The following H2BW2 variants were observed in gnomAD, a reference collection of about 807,000 sequenced individuals.
H2BW2 encodes H2B.W histone 2, also known as histone H2B type F-M.
A neutral mutation model predicts 9.2 loss-of-function variants in H2BW2; 8 were observed. That is an observed-to-expected ratio of 0.87 (90% CI 0.51 to 1.57). The LOEUF is 1.57. Ranked by LOEUF, H2BW2 falls within the 40% of genes most tolerant of loss-of-function variation. H2BW2 has a pLI of 0.00. For synonymous variants in H2BW2, 80 were observed against 56.8 expected, an observed-to-expected ratio of 1.41 and a Z score of -1.84; for missense variants, 193 against 137.3, an observed-to-expected ratio of 1.41 and a Z score of -2.03.
chrX:104,041,802 T>C (rs188388406), intron 3 of H2BW2: 2 of 112,582 alleles, frequency 1.8e-5, no homozygotes, highest in East Asian at 5.6e-4. Context: ...AGGATGGCAC[T>C]CTCAGTCAAA....
chrX:104,040,349 C>T lies in H2BW2; in HGVS notation c.355C>T (p.Leu119=). 1 of 1,185,938 alleles carries T rather than the reference C, an allele frequency of 8.4e-7. No homozygotes were observed. The highest frequency in any genetic ancestry group is 1.9e-5 in the South Asian group (1 of 52,424). Residue 119 remains leucine, a synonymous_variant, in exon 1 of 4, where the codon CTG becomes TTG. Transcript: ENST00000675318. ...CATCCAGATGGCCGTGCGACTGCTGCTGCCGGGGAAGATGGGCAAGCTCGC... is the reference window on the plus strand; with the variant it reads ...CATCCAGATGGCCGTGCGACTGCTGTTGCCGGGGAAGATGGGCAAGCTCGC... ...RDIQMAVRLL[L]PGKMGKLAEA...
rs782241600 is a variant in H2BW2, at chrX:104,040,427, G to A, written c.410+23G>A. 38 of 1,111,285 alleles carry A rather than the reference G, an allele frequency of 3.4e-5. No individual in the cohort carries two copies. In the Middle Eastern group the frequency reaches 1.0e-3, roughly 30 times the overall value. 91.6% of individuals were successfully genotyped at this position (1,111,285 alleles called of 1,213,427 possible). The stretch of plus-strand genomic sequence containing the variant: ...CAGGTACACCAAAAGCAAGTGAGCT[G>A]TCTCAGGAGCGCCTGAGCACCTGGG... On this transcript the variant is annotated intron_variant, in intron 1 of 3. Transcript: ENST00000675318.
rs782543925 is a variant in H2BW2, at chrX:104,040,843, G to T, written c.426G>T (p.Ala142=). 3 of 954,593 alleles carry T rather than the reference G, an allele frequency of 3.1e-6. No homozygotes were observed. The highest frequency in any genetic ancestry group is 4.5e-6 in the Non-Finnish European group (3 of 662,373). The allele number at this position is 954,593 out of a possible 1,213,427, so 78.7% of individuals were successfully genotyped here. The change falls in exon 2 of 4, where the codon GCG becomes GCT. Residue 142 remains alanine, a synonymous_variant. Coordinates refer to ENST00000675318, the MANE Select transcript of H2BW2 (RefSeq NM_001388464.1). ...GATTTTCCAGAACTTCATTATGTGC[G>T]ATATGGCAACAGAGAAAGTGAATAT... is the stretch of plus-strand genomic sequence containing the variant. ...TNAALRTSLC[A]IWQQRK is the part of the protein sequence containing the mutation.
In H2BW2 at chrX:104,040,076, C is replaced by T. The variant is rs2147847613; in HGVS notation, c.82C>T (p.Gln28Ter). 8.6e-7 allele frequency: 1 copy of T among 1,166,525 alleles called. No homozygotes were observed. The highest frequency in any genetic ancestry group is 1.1e-6 in the Non-Finnish European group (1 of 872,604). ...CAAAGAGGCCAACTCCACGAAGGCC[C>T]AGAAGCAGAAGAGGCGAGGGTGCCG... The part of the protein sequence containing the change: ...EPKEANSTKA[Q>*]KQKRRGCRGS... Residue 28 changes from glutamine to a stop codon, truncating the protein, a stop_gained, in exon 1 of 4, where the codon CAG becomes TAG. Coordinates refer to ENST00000675318, the MANE Select transcript of H2BW2 (RefSeq NM_001388464.1). LOFTEE classifies it high-confidence loss of function.
At chrX:104,041,774 A>G (rs1468201556) in intron 3 of H2BW2, 4 of 112,339 alleles carry the variant, frequency 3.6e-5, no homozygotes, top group Non-Finnish European at 7.5e-5. Context: ...CTTCTCCTTC[A>G]TATGTAGAAA....
At chrX:104,040,975 A>C (rs2075201978) in intron 2 of H2BW2, 89 bp downstream of exon 2, 1 of 950,015 alleles carries the variant, frequency 1.1e-6, no homozygotes, top group Admixed American at 3.3e-5. Flanking sequence ...ATATATGGCT[A>C]AATAAAATTT....
At position 104,040,886 on chromosome X, in the gene H2BW2, G is replaced by A. The variant is rs782097497; in HGVS notation, c.*22G>A. ...GTGAATATGCTGATACAAGAAGCAA[G>A]GTAACCCTCCTAAATGTGTTCAGCA... On this transcript the variant is annotated splice_region_variant and 3_prime_UTR_variant, in exon 2 of 4. Coordinates refer to ENST00000675318, the MANE Select transcript of H2BW2 (RefSeq NM_001388464.1). 22 of 1,180,158 alleles carry A rather than the reference G, an allele frequency of 1.9e-5. 1 individual carries two copies. Among genetic ancestry groups the A allele is most frequent in the East Asian group, 1.8e-4 (6 of 33,594 alleles).
Position 104,040,017 on chromosome X carries a change from C to T in H2BW2, c.23C>T (p.Thr8Ile), listed in dbSNP as rs781897333. The T allele has an allele frequency of 7.5e-5, 87 of 1,162,256 alleles. No homozygotes were observed. The East Asian group carries it at 2.8e-3, about 37-fold the overall frequency. The part of the protein sequence containing the change: MAEASSE[T>I]TSEEGQSIQE... ...GCCATGGCTGAGGCTTCCTCTGAGA[C>T]AACCTCGGAGGAAGGCCAGAGCATC... The change falls in exon 1 of 4, where the codon ACA becomes ATA. Residue 8 changes from threonine to isoleucine, a missense_variant. Transcript: ENST00000675318.
In H2BW2 at chrX:104,040,256, G is replaced by C. The variant is rs782205344; in HGVS notation, c.262G>C (p.Asp88His). Reference protein sequence around the residue: ...VMDSMIHDILDRIATEAGQLA... With the variant: ...VMDSMIHDILHRIATEAGQLA... ...GGATTCTATGATCCATGACATATTG[G>C]ACCGCATCGCCACCGAGGCTGGTCA... The change falls in exon 1 of 4, where the codon GAC becomes CAC. Residue 88 changes from aspartate to histidine, a missense_variant. Transcript: ENST00000675318. The C allele has an allele frequency of 3.3e-6, 4 of 1,194,545 alleles. No homozygotes were observed. In the Admixed American group the frequency reaches 9.1e-5, roughly 27 times the overall value.
At chrX:104,041,475 T>C (rs1344040649) in intron 3 of H2BW2, 1 of 112,720 alleles carries the variant, frequency 8.9e-6, no homozygotes, top group Middle Eastern at 4.1e-3. Flanking sequence ...ATATTTATAT[T>C]CATGTTAATA....
In H2BW2 at chrX:104,040,351, G is replaced by A. The variant is rs782712126; in HGVS notation, c.357G>A (p.Leu119=). The A allele has an allele frequency of 1.1e-5, 13 of 1,185,171 alleles. No individual in the cohort carries two copies. The highest frequency in any genetic ancestry group is 1.9e-5 in the South Asian group (1 of 52,373). The change falls in exon 1 of 4, where the codon CTG becomes CTA. Residue 119 remains leucine (L), a synonymous_variant. Transcript: ENST00000675318. The part of the protein sequence containing the change: ...RDIQMAVRLL[L]PGKMGKLAEA... ...TCCAGATGGCCGTGCGACTGCTGCT[G>A]CCGGGGAAGATGGGCAAGCTCGCCG...
At chrX:104,040,681 C>T (rs2075200546) in intron 1 of H2BW2, 147 bp from the exon 2 acceptor site, 7 of 505,771 alleles carry the variant, frequency 1.4e-5, no homozygotes, top group Middle Eastern at 3.9e-4. Context: ...GGGGTGTTTC[C>T]GTAATCGTGT....
At position 104,040,069 on chromosome X, in the gene H2BW2, G is replaced by T. The variant is rs782787962; in HGVS notation, c.75G>T (p.Thr25=). The T allele has an allele frequency of 2.6e-5, 30 of 1,163,557 alleles. No homozygotes were observed. The East Asian group carries it at 9.1e-4, about 35-fold the overall frequency. The change falls in exon 1 of 4, where the codon ACG becomes ACT. Residue 25 remains threonine, a synonymous_variant. Transcript: ENST00000675318. ...SIQEPKEANS[T]KAQKQKRRGC... Reference sequence around the variant, plus strand: ...AGGAGCCCAAAGAGGCCAACTCCACGAAGGCCCAGAAGCAGAAGAGGCGAG... The same window carrying T: ...AGGAGCCCAAAGAGGCCAACTCCACTAAGGCCCAGAAGCAGAAGAGGCGAG...
At position 104,042,454 on chromosome X, in the gene H2BW2, A is replaced by C. The variant is rs1243324713; in HGVS notation, c.*384A>C. 4 of 112,925 alleles carry C rather than the reference A, an allele frequency of 3.5e-5. No homozygotes were observed. Among genetic ancestry groups the C allele is most frequent in the Non-Finnish European group, 7.5e-5 (4 of 53,412 alleles). 9.3% of individuals were successfully genotyped at this position (112,925 alleles called of 1,213,427 possible). A position where few individuals can be genotyped will look rare whatever the true frequency, so the allele number is the denominator to read the frequency against. The stretch of plus-strand genomic sequence containing the variant: ...AATAAATTTCTGAAGTTACCCTTGC[A>C]TATGTGTGTAATTAGACAAGTCCTT... On this transcript the variant is annotated 3_prime_UTR_variant, in exon 4 of 4. Transcript: ENST00000675318.
In H2BW2 at chrX:104,040,058, G is replaced by A. The variant is rs782497910; in HGVS notation, c.64G>A (p.Ala22Thr). ...EGQSIQEPKE[A>T]NSTKAQKQKR... ...CCAGAGCATCCAGGAGCCCAAAGAG[G>A]CCAACTCCACGAAGGCCCAGAAGCA... Residue 22 changes from alanine (A) to threonine (T), a missense_variant, in exon 1 of 4, where the codon GCC becomes ACC. Transcript: ENST00000675318. 7 of 1,164,577 alleles carry A rather than the reference G, an allele frequency of 6.0e-6. No homozygotes were observed. The highest frequency in any genetic ancestry group is 3.9e-5 in the South Asian group (2 of 51,724).
At position 104,040,327 on chromosome X, in the gene H2BW2, C is replaced by G; in HGVS notation, c.333C>G (p.Ile111Met). 8.4e-7 allele frequency: 1 copy of G among 1,193,992 alleles called. No homozygotes were observed. Among genetic ancestry groups the G allele is most frequent in the Non-Finnish European group, 1.1e-6 (1 of 886,895 alleles). The change falls in exon 1 of 4, where the codon ATC becomes ATG. Residue 111 changes from isoleucine to methionine, a missense_variant. By Grantham distance (10) the Ile-to-Met change is conservative (BLOSUM62 1). Coordinates refer to ENST00000675318, the MANE Select transcript of H2BW2 (RefSeq NM_001388464.1). ...TKRVTITSRD[I>M]QMAVRLLLPG... is the part of the protein sequence containing the mutation. ...GCGTGACCATCACCTCCCGGGACATCCAGATGGCCGTGCGACTGCTGCTGC... is the reference window on the plus strand; with the variant it reads ...GCGTGACCATCACCTCCCGGGACATGCAGATGGCCGTGCGACTGCTGCTGC...
In H2BW2 at chrX:104,040,140, G is replaced by C; in HGVS notation, c.146G>C (p.Ser49Thr). 8.5e-7 allele frequency: 1 copy of C among 1,179,789 alleles called. No homozygotes were observed. The highest frequency in any genetic ancestry group is 1.1e-6 in the Non-Finnish European group (1 of 880,337). ...CGCCACGCCAACCGCCGTGGGGACA[G>C]CTTCGGGGACAGCTTCACCCCCTAT... ...RRRHANRRGD[S>T]FGDSFTPYFP... Residue 49 changes from serine (S) to threonine (T), a missense_variant, in exon 1 of 4, where the codon AGC (serine) becomes ACC (threonine). Ser to Thr is a moderately conservative substitution (Grantham distance 58). Coordinates refer to ENST00000675318, the MANE Select transcript of H2BW2 (RefSeq NM_001388464.1).
rs1412903481 is a variant in H2BW2 at position 104,040,372 on chromosome X, C to T, written c.378C>T (p.Leu126=). 3 of 1,167,543 alleles carry T rather than the reference C, an allele frequency of 2.6e-6. No individual in the cohort carries two copies. Among genetic ancestry groups the T allele is most frequent in the Non-Finnish European group, 3.4e-6 (3 of 874,046 alleles). ...RLLLPGKMGK[L]AEAQGTNAAL... ...TGCTGCCGGGGAAGATGGGCAAGCTCGCCGAGGCCCAGGGCACGAATGCCG... is the reference window on the plus strand; with the variant it reads ...TGCTGCCGGGGAAGATGGGCAAGCTTGCCGAGGCCCAGGGCACGAATGCCG... The change falls in exon 1 of 4, where the codon CTC becomes CTT. Residue 126 remains leucine (L), a synonymous_variant. Transcript: ENST00000675318.
rs782809250 is a variant in H2BW2 at position 104,040,370 on chromosome X, C to A, written c.376C>A (p.Leu126Ile). 1.7e-6 allele frequency: 2 copies of A among 1,170,266 alleles called. No individual in the cohort carries two copies. The highest frequency in any genetic ancestry group is 4.9e-5 in the Admixed American group (2 of 40,886). Residue 126 changes from leucine to isoleucine, a missense_variant, in exon 1 of 4, where the codon CTC (leucine) becomes ATC (isoleucine). Physicochemically the swap from Leu to Ile is conservative, Grantham distance 5 (BLOSUM62 2). Transcript: ENST00000675318. ...GCTGCTGCCGGGGAAGATGGGCAAG[C>A]TCGCCGAGGCCCAGGGCACGAATGC... is the stretch of plus-strand genomic sequence containing the variant. ...RLLLPGKMGK[L>I]AEAQGTNAAL...
Sources: gnomAD v4.1 joint callset for allele counts on GRCh38, gnomAD v4.1.1 for gene constraint, MANE v1.5 for transcripts, NCBI Gene and HGNC (gene_info 2026-07-23, HGNC 2026-07-21) for gene names.